BFSP1: variants seen among roughly 807,000 people sequenced by gnomAD.
BFSP1 encodes filensin.
In BFSP1, 38 loss-of-function variants were observed where a neutral mutation model predicts 43.9. The ratio of observed to expected loss-of-function variants is 0.87; its 90% CI spans 0.67 to 1.14. The LOEUF (loss-of-function observed/expected upper bound fraction) is 1.14. Ranked by LOEUF, BFSP1 falls within the 50% of genes most tolerant of loss-of-function variation. The probability of loss-of-function intolerance (pLI) is 0.00; values close to 1 mark genes in which losing one functional copy is unlikely to be tolerated. For synonymous variants in BFSP1, 352 were observed against 354.8 expected (o/e 0.99, Z 0.09); for missense variants, 850 against 875.1 (o/e 0.97, Z 0.36).
rs940517703 is a variant in BFSP1 at position 17,525,522 on chromosome 20, G to A, written c.378-614C>T. Among the ~76,000 whole-genome samples the A allele has an allele frequency of 6.6e-6, 1 of 152,196 alleles. No individual in the cohort carries two copies. Among genetic ancestry groups the A allele is most frequent in the Non-Finnish European group, 1.5e-5 (1 of 68,034 alleles). On this transcript the variant is annotated intron_variant, in intron 1 of 7. Coordinates refer to ENST00000377873, the MANE Select transcript of BFSP1 (RefSeq NM_001195.5). The surrounding 1 kb of genome is among the most constrained non-coding windows in gnomAD (Gnocchi z 4.2). ...GGCCTCCTCTGGGCAAATGGGTGGG[G>A]CAGGCTGGACGTGCCAGGGAGTCAG...
At chr20:17,512,405 CA>C (rs56042048) in intron 3 of BFSP1, among the ~76,000 whole-genome samples, 59,025 of 145,002 alleles carry the variant, frequency 0.41, 11,884 homozygotes, top group Middle Eastern at 0.5. Context: ...GGCGGAGGCA[CA>C]AAAAAAAAAA....
At chr20:17,541,321 A>G in intron 1 of BFSP1, 1 of 916,356 alleles carries the variant, frequency 1.1e-6, no homozygotes, top group Non-Finnish European at 1.3e-6. Context: ...GTGCTTGGCC[A>G]AAGATGGATC....
At chr20:17,497,583 TATATATATAC>T (rs1157908079) in intron 6 of BFSP1, among the ~76,000 whole-genome samples, 4 of 15,734 alleles carry the variant, frequency 2.5e-4, no homozygotes, top group South Asian at 4.3e-3. Context: ...TATATATACG[TATATATATAC>T]GTGTATATAT....
chr20:17,504,745 G>C (rs1305943980), intron 5 of BFSP1, among the ~76,000 whole-genome samples: 1 of 152,200 alleles, frequency 6.6e-6, no homozygotes. Context: ...GGTGACTGCT[G>C]TTTCTGCCTG....
Position 17,499,242 on chromosome 20 carries a change from ATTTT to A in BFSP1, c.736-206_736-203del, listed in dbSNP as rs11339300. On this transcript the variant is annotated intron_variant, in intron 5 of 7. Transcript: ENST00000377873. Reference sequence around the variant, plus strand: ...AACTGAGCTCCTGTGTCCTTACACAATTTTTTTTTTTTTTTTTTTTGATAGAGGA... The same window carrying A: ...AACTGAGCTCCTGTGTCCTTACACAATTTTTTTTTTTTTTTTGATAGAGGA... 0.082 allele frequency among the ~76,000 whole-genome samples: 10,692 copies of A among 129,620 alleles called. 1,339 individuals carry two copies. Among genetic ancestry groups the A allele is most frequent in the African/African-American group, 0.28 (10,036 of 35,674 alleles). The allele number at this position is 129,620 out of a possible 152,430, so 85.0% of individuals were successfully genotyped here.
At chr20:17,504,956 AAG>A (rs1491163381) in intron 5 of BFSP1, among the ~76,000 whole-genome samples, 11 of 151,564 alleles carry the variant, frequency 7.3e-5, no homozygotes, top group African/African-American at 2.7e-4. Context: ...AAAAAAAAAA[AAG>A]GAAACTCATT....
At position 17,531,146 on chromosome 20, in the gene BFSP1, C is replaced by T. The variant is rs994396405; in HGVS notation, c.184G>A (p.Glu62Lys). 3 of 1,315,964 alleles carry T rather than the reference C, an allele frequency of 2.3e-6. No individual in the cohort carries two copies. The highest frequency in any genetic ancestry group is 1.9e-6 in the Non-Finnish European group (2 of 1,035,712). The allele number at this position is 1,315,964 out of a possible 1,614,324, so 81.5% of individuals were successfully genotyped here. The change falls in exon 1 of 8, where the codon GAG becomes AAG. Residue 62 changes from glutamate (E) to lysine (K), a missense_variant. Coordinates refer to ENST00000377873, the MANE Select transcript of BFSP1 (RefSeq NM_001195.5). ...AAHVQRARAL[E>K]QRHAGLRRQL... ...CTCCGGAGCCCGGCATGGCGCTGCT[C>T]GAGGGCGCGGGCCCGCTGGACGTGG...
chr20:17,501,442 G>A lies in BFSP1; in HGVS notation c.736-2402C>T, dbSNP rs1177277791. Among the ~76,000 whole-genome samples the A allele has an allele frequency of 2.6e-5, 4 of 152,218 alleles. No individual in the cohort carries two copies. The East Asian group carries it at 5.8e-4, about 22-fold the overall frequency. ...TAGCTGGGCGTGGTGGCTGGTGCCT[G>A]TAATCCCAGCTACTCTGGAGGCTGA... On this transcript the variant is annotated intron_variant, in intron 5 of 7. Coordinates refer to ENST00000377873, the MANE Select transcript of BFSP1 (RefSeq NM_001195.5).
rs772870410 is a variant in BFSP1 at position 17,494,174 on chromosome 20, G to A, written c.1898C>T (p.Thr633Met). ...EVVESIEKIS[T>M]ESIQTYEETA... ...TTCTTCATATGTCTGAATGCTCTCC[G>A]TGGAAATCTTCTCGATAGATTCCAC... The change falls in exon 8 of 8, where the codon ACG becomes ATG. Residue 633 changes from threonine to methionine, a missense_variant. Transcript: ENST00000377873. The A allele has an allele frequency of 6.3e-5, 102 of 1,613,948 alleles. No individual in the cohort carries two copies. The highest frequency in any genetic ancestry group is 3.0e-4 in the South Asian group (27 of 91,080).
intron 2 of BFSP1, among the ~76,000 whole-genome samples, chr20:17,522,977 G>A (rs1203912198): frequency 6.6e-6 from 1 of 152,242 alleles, no homozygotes; most frequent in South Asian, 2.1e-4. Context: ...TGGACCCAGG[G>A]GCCAGTCATG....
chr20:17,494,826 T>C lies in BFSP1; in HGVS notation c.1246A>G (p.Ser416Gly), dbSNP rs1171304710. The C allele has an allele frequency of 1.9e-6, 3 of 1,614,244 alleles. No individual in the cohort carries two copies. Among genetic ancestry groups the C allele is most frequent in the Non-Finnish European group, 2.5e-6 (3 of 1,180,044 alleles). Residue 416 changes from serine (S) to glycine (G), a missense_variant, in exon 8 of 8, where the codon AGT becomes GGT. Transcript: ENST00000377873. The stretch of plus-strand genomic sequence containing the variant: ...TGTGTCAGGGGACTTACTTCTTTAC[T>C]TTCTGATTCAAACTTAGATTCACTT... ...EESESKFESESKEVSPLTQEG... is the reference protein window; with the variant it reads ...EESESKFESEGKEVSPLTQEG...
At chr20:17,557,403 C>A (rs1314623962) in intron 1 of BFSP1, among the ~76,000 whole-genome samples, 1 of 152,174 alleles carries the variant, frequency 6.6e-6, no homozygotes, top group Admixed American at 6.5e-5. Context: ...CTCATCTCTC[C>A]CCTACCTCAA....
chr20:17,494,811 GACTT>G lies in BFSP1; in HGVS notation c.1257_1260del (p.Ser420ProfsTer2). On this transcript the variant is annotated frameshift_variant, in exon 8 of 8. Coordinates refer to ENST00000377873, the MANE Select transcript of BFSP1 (RefSeq NM_001195.5). LOFTEE classifies it low-confidence loss of function (END_TRUNC). Reference sequence around the variant, plus strand: ...TCTGGAGCCCCTTCTTGTGTCAGGGGACTTACTTCTTTACTTTCTGATTCAAACT... The same window carrying G: ...TCTGGAGCCCCTTCTTGTGTCAGGGGACTTCTTTACTTTCTGATTCAAACT... The G allele has an allele frequency of 1.2e-6, 2 of 1,614,162 alleles. No homozygotes were observed. The highest frequency in any genetic ancestry group is 1.1e-5 in the South Asian group (1 of 91,076).
At chr20:17,561,184 C>T (rs1159949227), upstream of BFSP1, among the ~76,000 whole-genome samples, 5 of 152,160 alleles carry the variant, frequency 3.3e-5, no homozygotes, top group Admixed American at 2.6e-4. Context: ...GTACAACAAC[C>T]GGATCAGAAG....
upstream of BFSP1, among the ~76,000 whole-genome samples, chr20:17,559,236 A>AAACAAC (rs371437198): frequency 1.3e-5 from 2 of 151,990 alleles, no homozygotes; most frequent in Admixed American, 6.6e-5. Context: ...TGCCATTAAA[A>AAACAAC]AACAACAACA....
At position 17,494,087 on chromosome 20, in the gene BFSP1, T is replaced by C. The variant is rs151128015; in HGVS notation, c.1985A>G (p.Glu662Gly). ...KTKSDKKKSG[E>G]KSS Reference sequence around the variant, plus strand: ...AGCCTGGGCATTTTAAGAGCTCTTCTCTCCTGATTTCTTCTTGTCTGACTT... The same window carrying C: ...AGCCTGGGCATTTTAAGAGCTCTTCCCTCCTGATTTCTTCTTGTCTGACTT... The change falls in exon 8 of 8, where the codon GAG (glutamate) becomes GGG (glycine). Residue 662 changes from glutamate (E) to glycine (G), a missense_variant. By Grantham distance (98) the Glu-to-Gly change is moderately conservative. Transcript: ENST00000377873. The C allele has an allele frequency of 1.4e-5, 23 of 1,612,488 alleles. No individual in the cohort carries two copies. Among genetic ancestry groups the C allele is most frequent in the Non-Finnish European group, 1.7e-5 (20 of 1,179,088 alleles).
At chr20:17,505,676 C>T (rs1408152289) in intron 5 of BFSP1, among the ~76,000 whole-genome samples, 1 of 152,238 alleles carries the variant, frequency 6.6e-6, no homozygotes, top group Non-Finnish European at 1.5e-5. Context: ...GAGGCCCAAG[C>T]CTGGGACACA....
At chr20:17,547,795 A>C (rs6044874) in intron 1 of BFSP1, among the ~76,000 whole-genome samples, 6 of 149,106 alleles carry the variant, frequency 4.0e-5, no homozygotes, top group African/African-American at 1.5e-4. Flanking sequence ...CAGTGGTGCA[A>C]TCTCAGCTCA....
chr20:17,532,732 AAATT>A (rs2034568197), upstream of BFSP1, among the ~76,000 whole-genome samples: 1 of 152,052 alleles, frequency 6.6e-6, no homozygotes, highest in African/African-American at 2.4e-5. Flanking sequence ...TTAAGAAAAG[AAATT>A]AATACCACTT....
Sources: gnomAD v4.1 joint callset for allele counts (sites outside exome capture counted in the v4.1 genomes callset) on GRCh38, gnomAD v4.1.1 for gene constraint, Gnocchi (gnomAD v3.1) non-coding constraint, MANE v1.5 for transcripts, NCBI Gene and HGNC (gene_info 2026-07-23, HGNC 2026-07-21) for gene names.